RASAL1: variants seen among roughly 807,000 people sequenced by gnomAD.
The protein encoded by RASAL1 is rasGAP-activating-like protein 1.
In RASAL1, 72 loss-of-function variants were observed where a neutral mutation model predicts 96.6. The ratio of observed to expected loss-of-function variants is 0.75; its 90% CI spans 0.62 to 0.91. The LOEUF is 0.91. Among genes scored for constraint, RASAL1 ranks in the 40% least tolerant of loss-of-function variants. The pLI, the probability that RASAL1 is intolerant of heterozygous loss-of-function variation, is 0.00. For missense variants in RASAL1, 1,016 were observed against 1,072.5 expected, an observed-to-expected ratio of 0.95 and a Z score of 0.74; for synonymous variants, 405 against 430.4, an observed-to-expected ratio of 0.94 and a Z score of 0.73.
In RASAL1 at chr12:113,128,089, TAGA is replaced by T. The variant is rs767938818; in HGVS notation, c.209_211del (p.Phe70del). 1 of 1,613,890 alleles carries T rather than the reference TAGA, an allele frequency of 6.2e-7. No homozygotes were observed. The highest frequency in any genetic ancestry group is 8.5e-7 in the Non-Finnish European group (1 of 1,179,962). ...CCCGACAGTGTCCTCATCCAGCACG[TAGA>T]AGGCCAGCTGGTGGAAATCCAGAGG... On this transcript the variant is annotated inframe_deletion, in exon 3 of 21. Transcript: ENST00000548055.
chr12:113,131,034 CACAG>C, intron 1 of RASAL1, 93 bp from the exon 2 acceptor site: 1 of 935,102 alleles, frequency 1.1e-6, no homozygotes, highest in Non-Finnish European at 1.7e-6. Context: ...GAGTCGGAGG[CACAG>C]ACAGAGAAGG....
chr12:113,125,895 C>G (rs927551832), intron 4 of RASAL1, among the ~76,000 whole-genome samples: 18 of 152,206 alleles, frequency 1.2e-4, no homozygotes. Context: ...GGTAAAGCCA[C>G]ACAATGAAGC....
In RASAL1 at chr12:113,121,605, T is replaced by C; in HGVS notation, c.332A>G (p.Asp111Gly). The change falls in exon 5 of 21, where the codon GAC becomes GGC. Residue 111 changes from aspartate to glycine, a missense_variant. Asp to Gly is a moderately conservative substitution (Grantham distance 94, BLOSUM62 -1). Transcript: ENST00000548055. ...IDSWINLSRV[D>G]PDAEVQGEIC... is the part of the protein sequence containing the mutation. ...CTCACCCTGCACTTCTGCATCTGGG[T>C]CCACTCGGCTCAAGTTAATCCAGCT... is the stretch of plus-strand genomic sequence containing the variant. 1 of 1,614,206 alleles carries C rather than the reference T, an allele frequency of 6.2e-7. No homozygotes were observed. Among genetic ancestry groups the C allele is most frequent in the Non-Finnish European group, 8.5e-7 (1 of 1,180,036 alleles).
intron 12 of RASAL1, among the ~76,000 whole-genome samples, chr12:113,113,594 T>C (rs1950953936): frequency 6.6e-6 from 1 of 152,174 alleles, no homozygotes; most frequent in African/African-American, 2.4e-5. Flanking sequence ...TGTATGACCT[T>C]AGGCAAGTGA....
At chr12:113,103,849 C>T in intron 18 of RASAL1, 97 bp downstream of exon 18, 8 of 1,500,742 alleles carry the variant, frequency 5.3e-6, no homozygotes, top group Non-Finnish European at 7.2e-6. Flanking sequence ...GGTTGAGTAA[C>T]TTGCCCAAGG....
At chr12:113,103,865 C>G in intron 18 of RASAL1, 81 bp downstream of exon 18, 1 of 1,533,922 alleles carries the variant, frequency 6.5e-7, no homozygotes, top group Non-Finnish European at 8.8e-7. Context: ...CAAGGTTGCA[C>G]AGCCAGCCCA....
intron 4 of RASAL1, among the ~76,000 whole-genome samples, chr12:113,122,870 A>G (rs1403196880): frequency 1.3e-5 from 2 of 151,962 alleles, no homozygotes; most frequent in East Asian, 1.9e-4. Context: ...TCCTTCTGGA[A>G]CTCCAATTAA....
chr12:113,121,717 A>T, intron 4 of RASAL1, 79 bp from the exon 5 acceptor site: 9 of 1,482,514 alleles, frequency 6.1e-6, no homozygotes, highest in Admixed American at 4.2e-5. Context: ...TTCAATTAAC[A>T]TTATTTTCAT....
intron 18 of RASAL1, among the ~76,000 whole-genome samples, chr12:113,103,301 T>G (rs1210495334): frequency 6.6e-6 from 1 of 151,344 alleles, no homozygotes. Flanking sequence ...TTAATAACAA[T>G]GTATAACATT....
intron 1 of RASAL1, among the ~76,000 whole-genome samples, 173 bp from the exon 2 acceptor site, chr12:113,131,114 T>C (rs914673137): frequency 2.6e-5 from 4 of 152,002 alleles, no homozygotes; most frequent in African/African-American, 9.7e-5. Context: ...CAGCAGGAGA[T>C]GTCACAGCTG....
intron 15 of RASAL1, 67 bp downstream of exon 15, chr12:113,107,030 G>A: frequency 6.7e-7 from 1 of 1,493,852 alleles, no homozygotes; most frequent in South Asian, 1.3e-5. Flanking sequence ...AGGGGGAAAG[G>A]GGAAGTCCCT....
intron 18 of RASAL1, among the ~76,000 whole-genome samples, chr12:113,103,261 A>G (rs970737439): frequency 1.3e-5 from 2 of 149,924 alleles, no homozygotes; most frequent in African/African-American, 4.9e-5. Context: ...TATACATTGT[A>G]ATACATTGTT....
At position 113,130,523 on chromosome 12, in the gene RASAL1, A is replaced by G. The variant is rs1951663129; in HGVS notation, c.122+362T>C. On this transcript the variant is annotated intron_variant, in intron 2 of 20. Transcript: ENST00000548055. The surrounding 1 kb of genome is among the most constrained non-coding windows in gnomAD (Gnocchi z 5.1). The stretch of plus-strand genomic sequence containing the variant: ...TGGGCGGGTGCACACACAGACACAC[A>G]TGCACATGCCCACGCGCACAGACAT... Among the ~76,000 whole-genome samples the G allele has an allele frequency of 6.6e-6, 1 of 152,016 alleles. No homozygotes were observed. The highest frequency in any genetic ancestry group is 2.1e-4 in the South Asian group (1 of 4,806).
At chr12:113,118,608 G>A (rs12300313) in intron 7 of RASAL1, among the ~76,000 whole-genome samples, 6,130 of 152,266 alleles carry the variant, frequency 0.04, 444 homozygotes, top group African/African-American at 0.14. Flanking sequence ...GGGAAACCAA[G>A]AGAAAGAACC....
At position 113,105,812 on chromosome 12, in the gene RASAL1, C is replaced by G; in HGVS notation, c.1732G>C (p.Glu578Gln). The change falls in exon 16 of 21, where the codon GAG becomes CAG. Residue 578 changes from glutamate (E) to glutamine (Q), a missense_variant. Physicochemically the swap from Glu to Gln is conservative, Grantham distance 29. Coordinates refer to ENST00000548055, the MANE Select transcript of RASAL1 (RefSeq NM_001301202.2). ...CGCGTGGCCAGGCCGGCAGGCTCCT[C>G]CTTGCGCTTCAGCAGATAGCCTTCT... ...VREGYLLKRK[E>Q]EPAGLATRFA... The G allele has an allele frequency of 2.5e-6, 4 of 1,614,202 alleles. No homozygotes were observed. Among genetic ancestry groups the G allele is most frequent in the Non-Finnish European group, 3.4e-6 (4 of 1,180,028 alleles).
At chr12:113,100,254 T>C (rs551859826) in intron 20 of RASAL1, among the ~76,000 whole-genome samples, 186 bp from the exon 21 acceptor site, 8 of 152,192 alleles carry the variant, frequency 5.3e-5, no homozygotes, top group South Asian at 2.1e-4. Context: ...CAGGAGACAG[T>C]GGGGAAGTGC....
chr12:113,134,040 T>G (rs1472823458), intron 1 of RASAL1, among the ~76,000 whole-genome samples: 1 of 152,142 alleles, frequency 6.6e-6, no homozygotes, highest in East Asian at 1.9e-4. Flanking sequence ...AAAGAACTCC[T>G]TTCACCACCT....
chr12:113,132,107 G>A (rs1049453843), intron 1 of RASAL1, among the ~76,000 whole-genome samples: 3 of 151,758 alleles, frequency 2.0e-5, no homozygotes, highest in Admixed American at 6.6e-5. Flanking sequence ...GAGTAGCTGG[G>A]ATTACAGGCA....
At chr12:113,116,163 A>G in intron 8 of RASAL1, 112 bp from the exon 9 acceptor site, 2 of 791,988 alleles carry the variant, frequency 2.5e-6, no homozygotes, top group East Asian at 3.0e-5. Flanking sequence ...TGAGGTCAGC[A>G]GTTTGTGACC....
Sources: gnomAD v4.1 joint callset for allele counts (sites outside exome capture counted in the v4.1 genomes callset) on GRCh38, gnomAD v4.1.1 for gene constraint, Gnocchi (gnomAD v3.1) non-coding constraint, MANE v1.5 for transcripts, NCBI Gene and HGNC (gene_info 2026-07-23, HGNC 2026-07-21) for gene names.